The following KAZN variants were observed in gnomAD, a reference collection of about 807,000 sequenced individuals.
KAZN encodes kazrin, periplakin interacting protein.
Under a neutral mutation model 87.4 loss-of-function variants are expected in KAZN, and 40 were observed. The ratio of observed to expected loss-of-function variants is 0.46; its 90% CI spans 0.36 to 0.60. The LOEUF (loss-of-function observed/expected upper bound fraction) is 0.60. Ranked by LOEUF, KAZN falls within the 20% of genes least tolerant of loss-of-function variation. KAZN has a pLI of 0.00. For synonymous variants in KAZN, 466 were observed against 458.3 expected (o/e 1.02, Z -0.22); for missense variants, 898 against 1,073.9 (o/e 0.84, Z 2.29).
At chr1:14,904,960 A>G (rs2101309129) in intron 1 of KAZN, among the ~76,000 whole-genome samples, 1 of 152,238 alleles carries the variant, frequency 6.6e-6, no homozygotes, top group South Asian at 2.1e-4. Flanking sequence ...ATGGGGTTTC[A>G]CGGTGTTAGC....
intron 1 of KAZN, among the ~76,000 whole-genome samples, chr1:14,929,216 A>G (rs1659521231): frequency 6.6e-6 from 1 of 152,250 alleles, no homozygotes; most frequent in South Asian, 2.1e-4. Flanking sequence ...CTAGACTCCA[A>G]AGGACTTGAT....
chr1:14,412,409 G>T (rs1434985163), intron 2 of KAZN, among the ~76,000 whole-genome samples: 1 of 152,078 alleles, frequency 6.6e-6, no homozygotes, highest in African/African-American at 2.4e-5. Flanking sequence ...TCAAAGAATT[G>T]ACATACAAAC....
Position 14,017,309 on chromosome 1 carries a change from A to G in KAZN, c.91+123553A>G, listed in dbSNP as rs147146730. ...ACTCAGAGCCCTCAAATCTGTGTCC[A>G]TAAACATTTGCCTTCTGACTCAAGA... is the stretch of plus-strand genomic sequence containing the variant. On this transcript the variant is annotated intron_variant, in intron 1 of 16. Transcript: ENST00000636203. Among the ~76,000 whole-genome samples the G allele has an allele frequency of 2.4e-4, 36 of 152,340 alleles. No homozygotes were observed. In the East Asian group the frequency reaches 5.4e-3, roughly 23 times the overall value.
chr1:13,980,940 T>G (rs1638634426), intron 1 of KAZN, among the ~76,000 whole-genome samples: 1 of 151,566 alleles, frequency 6.6e-6, no homozygotes. Flanking sequence ...ACTTTATGTA[T>G]AGCAGTGAAA....
At chr1:14,691,018 A>G (rs1164549736) in intron 1 of KAZN, among the ~76,000 whole-genome samples, 3 of 152,220 alleles carry the variant, frequency 2.0e-5, no homozygotes, top group African/African-American at 4.8e-5. Flanking sequence ...TCTCAGGTGT[A>G]TAGAGATAAT....
At chr1:14,046,128 T>A (rs1642061893) in intron 1 of KAZN, among the ~76,000 whole-genome samples, 1 of 152,168 alleles carries the variant, frequency 6.6e-6, no homozygotes, top group Non-Finnish European at 1.5e-5. Flanking sequence ...TGATAAAAAA[T>A]TTAATAGGAA....
intron 2 of KAZN, among the ~76,000 whole-genome samples, chr1:14,389,146 A>G (rs1053570505): frequency 2.0e-5 from 3 of 152,174 alleles, no homozygotes; most frequent in East Asian, 1.9e-4. Flanking sequence ...CAAAACTACA[A>G]TGAGGTATCA....
In KAZN at chr1:14,890,217, G is replaced by A. The variant is rs2101154759; in HGVS notation, c.227-70467G>A. 2.0e-5 allele frequency among the ~76,000 whole-genome samples: 3 copies of A among 152,320 alleles called. 1 individual carries two copies. The Middle Eastern group carries it at 0.01, about 518-fold the overall frequency. On this transcript the variant is annotated intron_variant, in intron 1 of 14. Coordinates refer to ENST00000376030, the MANE Select transcript of KAZN (RefSeq NM_201628.3). ...CAAGCCTGGTCAGCTGGAATGCTCT[G>A]GCTGGTCAAGGCAATTGAAATTTCT... is the stretch of plus-strand genomic sequence containing the variant.
intron 2 of KAZN, among the ~76,000 whole-genome samples, chr1:14,523,114 A>G (rs907038432): frequency 2.0e-5 from 3 of 152,156 alleles, no homozygotes; most frequent in Non-Finnish European, 2.9e-5. Context: ...CACACCAGGC[A>G]TGGAGGCTTC....
chr1:14,053,707 A>G (rs1642433225), intron 1 of KAZN, among the ~76,000 whole-genome samples: 1 of 152,182 alleles, frequency 6.6e-6, no homozygotes, highest in African/African-American at 2.4e-5. Flanking sequence ...CTGCTTTGGT[A>G]TACAGACGAA....
chr1:14,344,860 C>CG (rs971510494), intron 2 of KAZN, among the ~76,000 whole-genome samples: 6 of 151,656 alleles, frequency 4.0e-5, no homozygotes, highest in African/African-American at 1.5e-4. Context: ...TGAGAGTTCA[C>CG]GGGTGGACAT....
At chr1:14,989,809 C>T (rs1233413516) in intron 2 of KAZN, among the ~76,000 whole-genome samples, 1 of 152,208 alleles carries the variant, frequency 6.6e-6, no homozygotes, top group Non-Finnish European at 1.5e-5. Flanking sequence ...TCTGTAGCTG[C>T]TTGCCTCTGT....
intron 8 of KAZN, among the ~76,000 whole-genome samples, chr1:15,079,797 G>A (rs546140285): frequency 6.6e-6 from 1 of 152,302 alleles, no homozygotes; most frequent in South Asian, 2.1e-4. Context: ...GATGGGCTTC[G>A]GCTGCACTTG....
chr1:14,574,398 G>A (rs752144486), intron 2 of KAZN, among the ~76,000 whole-genome samples: 2 of 152,186 alleles, frequency 1.3e-5, no homozygotes, highest in Non-Finnish European at 1.5e-5. Flanking sequence ...ACGTGTTGTG[G>A]GAGGGACCCA....
chr1:14,209,950 T>C (rs1360989171), intron 2 of KAZN, among the ~76,000 whole-genome samples: 1 of 152,196 alleles, frequency 6.6e-6, no homozygotes, highest in Non-Finnish European at 1.5e-5. Context: ...TTGGGTTTTA[T>C]GTCTCCCTCT....
chr1:13,932,451 G>A (rs988207252), intron 1 of KAZN, among the ~76,000 whole-genome samples: 41 of 151,874 alleles, frequency 2.7e-4, no homozygotes, highest in Non-Finnish European at 5.2e-4. Flanking sequence ...TAGTAGAGAC[G>A]GGGTTTCACC....
At position 14,603,589 on chromosome 1, in the gene KAZN, G is replaced by T. The variant is rs144771718; in HGVS notation, c.226+4366G>T. On this transcript the variant is annotated intron_variant, in intron 1 of 14. Transcript: ENST00000376030. ...AGTCTCTGATTCTGGTTAATTTCATGCTTCCATTGTGCACTTCATGATTTT... is the reference window on the plus strand; with the variant it reads ...AGTCTCTGATTCTGGTTAATTTCATTCTTCCATTGTGCACTTCATGATTTT... 6.7e-3 allele frequency among the ~76,000 whole-genome samples: 1,026 copies of T among 152,284 alleles called. 5 individuals carry two copies. The highest frequency in any genetic ancestry group is 0.012 in the Non-Finnish European group (795 of 68,022).
At chr1:15,032,226 T>C (rs1471189227) in intron 2 of KAZN, among the ~76,000 whole-genome samples, 17 of 140,058 alleles carry the variant, frequency 1.2e-4, no homozygotes, top group Middle Eastern at 7.1e-3. Flanking sequence ...AGAATCTTGC[T>C]TTGTTGCCCA....
intron 2 of KAZN, among the ~76,000 whole-genome samples, chr1:14,277,178 T>A (rs1424714249): frequency 2.6e-5 from 4 of 152,118 alleles, no homozygotes; most frequent in Non-Finnish European, 4.4e-5. Context: ...ACTCAAAAAT[T>A]AACAACGTAT....
Sources: gnomAD v4.1 joint callset for allele counts (sites outside exome capture counted in the v4.1 genomes callset) on GRCh38, gnomAD v4.1.1 for gene constraint, MANE v1.5 for transcripts, NCBI Gene and HGNC (gene_info 2026-07-23, HGNC 2026-07-21) for gene names.